The following MALT1 variants were observed in gnomAD, a reference collection of about 807,000 sequenced individuals.
MALT1 encodes the protein mucosa-associated lymphoid tissue lymphoma translocation protein 1.
Under a neutral mutation model 85.5 loss-of-function variants are expected in MALT1, and 36 were observed. That is an observed-to-expected ratio of 0.42 (90% CI 0.32 to 0.56). The LOEUF is 0.56. MALT1 is among the 20% of genes least tolerant of loss of function. The pLI, the probability that MALT1 is intolerant of heterozygous loss-of-function variation, is 0.10. For synonymous variants in MALT1, 359 were observed against 361.3 expected, an observed-to-expected ratio of 0.99 and a Z score of 0.07; for missense variants, 716 against 981.6, an observed-to-expected ratio of 0.73 and a Z score of 3.62.
intron 4 of MALT1, among the ~76,000 whole-genome samples, chr18:58,706,169 G>A (rs1302231856): frequency 6.6e-6 from 1 of 151,648 alleles, no homozygotes; most frequent in East Asian, 1.9e-4. Flanking sequence ...GTATTTTTTA[G>A]TAGAGACGGG....
At chr18:58,713,301 A>G (rs2054857373) in intron 7 of MALT1, among the ~76,000 whole-genome samples, 1 of 152,192 alleles carries the variant, frequency 6.6e-6, no homozygotes, top group African/African-American at 2.4e-5. Flanking sequence ...TTACCTATCC[A>G]TTGGCCATGA....
In MALT1 at chr18:58,743,057, A is replaced by G. The variant is rs75712337; in HGVS notation, c.1753+1043A>G. Among the ~76,000 whole-genome samples the G allele has an allele frequency of 9.8e-3, 1,494 of 152,284 alleles. 24 individuals are homozygous for G. The highest frequency in any genetic ancestry group is 0.033 in the African/African-American group (1,391 of 41,554). On this transcript the variant is annotated intron_variant, in intron 14 of 16. Coordinates refer to ENST00000649217, the MANE Select transcript of MALT1 (RefSeq NM_006785.4). ...ATTGTATTTAATGAACTTCTATAAAATATCTTTATTTTCATAAATAATAAT... is the reference window on the plus strand; with the variant it reads ...ATTGTATTTAATGAACTTCTATAAAGTATCTTTATTTTCATAAATAATAAT...
At chr18:58,721,100 C>T (rs1466906529) in intron 9 of MALT1, among the ~76,000 whole-genome samples, 1 of 152,142 alleles carries the variant, frequency 6.6e-6, no homozygotes, top group African/African-American at 2.4e-5. Flanking sequence ...TTTAAAAAGG[C>T]CAGGCGTGGT....
chr18:58,747,801 C>T lies in MALT1; in HGVS notation c.2434C>T (p.Pro812Ser). The change falls in exon 17 of 17, where the codon CCA becomes TCA. Residue 812 changes from proline to serine, a missense_variant. Physicochemically the swap from Pro to Ser is moderately conservative, Grantham distance 74. Around this residue, in one of 4 missense-constraint regions of MALT1, gnomAD observed 260 missense variants for 323.7 expected, o/e 0.80. Coordinates refer to ENST00000649217, the MANE Select transcript of MALT1 (RefSeq NM_006785.4). ...GCCAGTAGAGACAACTGATGAAATA[C>T]CATTTAGTTTCTCTGACAGGCTCAG... Reference protein sequence around the residue: ...NVPVETTDEIPFSFSDRLRIS... With the variant: ...NVPVETTDEISFSFSDRLRIS... The T allele has an allele frequency of 6.2e-7, 1 of 1,613,930 alleles. No homozygotes were observed. Among genetic ancestry groups the T allele is most frequent in the Non-Finnish European group, 8.5e-7 (1 of 1,179,890 alleles).
In MALT1 at chr18:58,681,209, G is replaced by A; in HGVS notation, c.249G>A (p.Glu83=). ...DLEQCSLKVL[E]PEGSPSLCLL... is the part of the protein sequence containing the mutation. ...AGCAGTGTTCTCTTAAGGTACTGGAGCCTGAAGGAAGCCCCAGCCTGTGTC... is the reference window on the plus strand; with the variant it reads ...AGCAGTGTTCTCTTAAGGTACTGGAACCTGAAGGAAGCCCCAGCCTGTGTC... Residue 83 remains glutamate (E), a synonymous_variant, in exon 2 of 17, where the codon GAG becomes GAA. Transcript: ENST00000649217. 1 of 1,614,156 alleles carries A rather than the reference G, an allele frequency of 6.2e-7. No individual in the cohort carries two copies. Among genetic ancestry groups the A allele is most frequent in the Non-Finnish European group, 8.5e-7 (1 of 1,180,004 alleles).
At chr18:58,734,124 T>G (rs2055192185) in intron 11 of MALT1, 183 bp from the exon 12 acceptor site, 1 of 1,317,046 alleles carries the variant, frequency 7.6e-7, no homozygotes, top group Non-Finnish European at 9.9e-7. Flanking sequence ...GTTTTAAAGC[T>G]AACAAGGAGT....
intron 1 of MALT1, chr18:58,674,167 G>A (rs2054206915): frequency 6.6e-6 from 1 of 152,216 alleles, no homozygotes; most frequent in Non-Finnish European, 1.5e-5. Flanking sequence ...GGCCCTGCCA[G>A]GGAAGAAGCG....
chr18:58,694,149 A>G (rs1188607610), intron 2 of MALT1, among the ~76,000 whole-genome samples: 1 of 152,242 alleles, frequency 6.6e-6, no homozygotes, highest in Non-Finnish European at 1.5e-5. Context: ...TAAAGGATTA[A>G]TGAATATGAA....
At chr18:58,742,711 T>C (rs1455612995) in intron 14 of MALT1, among the ~76,000 whole-genome samples, 1 of 152,118 alleles carries the variant, frequency 6.6e-6, no homozygotes, top group Non-Finnish European at 1.5e-5. Flanking sequence ...AGACTCTGTC[T>C]CGAAAAGAAA....
At chr18:58,742,440 CT>C (rs2055314035) in intron 14 of MALT1, among the ~76,000 whole-genome samples, 1 of 152,180 alleles carries the variant, frequency 6.6e-6, no homozygotes, top group Admixed American at 6.5e-5. Flanking sequence ...GGTGTGGTCG[CT>C]CACGCCTGTA....
Position 58,734,434 on chromosome 18 carries a change from T to C in MALT1, c.1475+53T>C. Reference sequence around the variant, plus strand: ...GTTTCCTTTATTGTTTGATGTCTTTTTGTTTTTGCTTTTTAGGAGCAGGGG... The same window carrying C: ...GTTTCCTTTATTGTTTGATGTCTTTCTGTTTTTGCTTTTTAGGAGCAGGGG... On this transcript the variant is annotated intron_variant, in intron 12 of 16. Transcript: ENST00000649217. 2.0e-6 allele frequency: 3 copies of C among 1,469,686 alleles called. No individual in the cohort carries two copies. In the South Asian group the frequency reaches 3.4e-5, roughly 17 times the overall value. 91.0% of individuals were successfully genotyped at this position (1,469,686 alleles called of 1,614,324 possible).
intron 2 of MALT1, among the ~76,000 whole-genome samples, chr18:58,693,276 G>A (rs1365951998): frequency 6.6e-6 from 1 of 152,096 alleles, no homozygotes; most frequent in Non-Finnish European, 1.5e-5. Flanking sequence ...CAAAAAATTA[G>A]CCAGGCACAG....
Position 58,731,959 on chromosome 18 carries a change from G to A in MALT1, c.1223-1438G>A, listed in dbSNP as rs578003531. Among the ~76,000 whole-genome samples, 252 of 152,188 alleles carry A rather than the reference G, an allele frequency of 1.7e-3. 2 individuals are homozygous for A. Among genetic ancestry groups the A allele is most frequent in the African/African-American group, 5.5e-3 (227 of 41,534 alleles). ...TCCATTTTCTCATTTTAGCTGAAAC[G>A]TATTTGAAAGAACCATTTTTCTCAT... On this transcript the variant is annotated intron_variant, in intron 10 of 16. Transcript: ENST00000649217.
At chr18:58,745,603 C>T in intron 15 of MALT1, 63 bp from the exon 16 acceptor site, 4 of 1,438,290 alleles carry the variant, frequency 2.8e-6, no homozygotes, top group South Asian at 1.2e-5. Context: ...GTCTTATGTA[C>T]TAGATTATAT....
chr18:58,675,545 G>A (rs1227396866), intron 1 of MALT1: 4 of 152,204 alleles, frequency 2.6e-5, no homozygotes, highest in South Asian at 2.1e-4. Context: ...CCAGGAGTTC[G>A]AGGCTGCAGT....
chr18:58,739,848 C>T (rs536388655), intron 13 of MALT1, among the ~76,000 whole-genome samples: 4 of 152,248 alleles, frequency 2.6e-5, no homozygotes, highest in South Asian at 2.1e-4. Flanking sequence ...TGTACACATG[C>T]GCCCATCTTG....
At chr18:58,741,615 A>G (rs1366786603) in intron 13 of MALT1, 1 of 277,972 alleles carries the variant, frequency 3.6e-6, no homozygotes, top group Non-Finnish European at 6.7e-6. Flanking sequence ...AAAGACATAC[A>G]TAGAACATTT....
chr18:58,681,085 A>AT, intron 1 of MALT1, 85 bp from the exon 2 acceptor site: 1 of 1,250,860 alleles, frequency 8.0e-7, no homozygotes, highest in Non-Finnish European at 1.1e-6. Context: ...GATTTATTCC[A>AT]TACAGCACCA....
intron 6 of MALT1, 80 bp downstream of exon 6, chr18:58,710,152 G>A: frequency 1.3e-6 from 1 of 788,972 alleles, no homozygotes; most frequent in Non-Finnish European, 2.1e-6. Context: ...TTAAGCAAAG[G>A]AAATTATACT....
Sources: allele counts gnomAD v4.1 joint callset (sites outside exome capture counted in the v4.1 genomes callset), GRCh38; gene constraint gnomAD v4.1.1; regional missense constraint gnomAD v4.1.1; transcripts MANE v1.5; gene names NCBI Gene and HGNC (gene_info 2026-07-23, HGNC 2026-07-21).